The following LSMEM1 variants were observed in gnomAD, a reference collection of about 807,000 sequenced individuals.
LSMEM1 encodes the protein leucine rich single-pass membrane protein 1, also known as leucine-rich single-pass membrane protein 1.
Under a neutral mutation model 11.3 loss-of-function variants are expected in LSMEM1, and 10 were observed. The ratio of observed to expected loss-of-function variants is 0.89; its 90% CI spans 0.55 to 1.50. The LOEUF (loss-of-function observed/expected upper bound fraction) is 1.50, where lower values mean the gene tolerates loss of function less well. Ranked by LOEUF, LSMEM1 falls within the 40% of genes most tolerant of loss-of-function variation. The pLI is 0.00. For missense variants in LSMEM1, 151 were observed against 152.9 expected (o/e 0.99, Z 0.06); for synonymous variants, 65 against 59.3 (o/e 1.10, Z -0.44).
chr7:112,481,788 G>T (rs548228750), intron 1 of LSMEM1, among the ~76,000 whole-genome samples: 2 of 152,224 alleles, frequency 1.3e-5, no homozygotes, highest in South Asian at 2.1e-4. Context: ...AGAGGAAAAT[G>T]AAATTACTTA....
At chr7:112,483,298 A>G (rs1258860293) in intron 1 of LSMEM1, 1 of 152,182 alleles carries the variant, frequency 6.6e-6, no homozygotes, top group African/African-American at 2.4e-5. Flanking sequence ...TAGAGTCCAG[A>G]TAGACATCAC....
At chr7:112,487,708 CCT>C (rs1240520153) in intron 3 of LSMEM1, among the ~76,000 whole-genome samples, 2 of 152,384 alleles carry the variant, frequency 1.3e-5, no homozygotes, top group Admixed American at 6.5e-5. Context: ...GCGCCACCCT[CCT>C]CTCTGCCTTG....
At chr7:112,484,967 G>A (rs199748260) in intron 2 of LSMEM1, 24 bp downstream of exon 2, 70 of 1,579,588 alleles carry the variant, frequency 4.4e-5, no homozygotes, top group Middle Eastern at 3.5e-4. Context: ...GGAAGGCACA[G>A]CAGCCCTTCC....
At chr7:112,481,396 G>A (rs1010056220) in intron 1 of LSMEM1, 50 bp downstream of exon 1, 8 of 152,172 alleles carry the variant, frequency 5.3e-5, no homozygotes, top group African/African-American at 1.7e-4. Flanking sequence ...TATGATTCTC[G>A]AGTCTGGGAA....
chr7:112,487,104 C>G, intron 3 of LSMEM1, 53 bp downstream of exon 3: 1 of 1,589,508 alleles, frequency 6.3e-7, no homozygotes, highest in Non-Finnish European at 8.6e-7. Context: ...TTATTCATAG[C>G]TGGTTAACTT....
At position 112,486,943 on chromosome 7, in the gene LSMEM1, G is replaced by A; in HGVS notation, c.148G>A (p.Val50Ile). Reference sequence around the variant, plus strand: ...ATTAGCTCTAGAGGACAAAATCCCAGTCCTTGGCACAAACTCAGGAAATGG... The same window carrying A: ...ATTAGCTCTAGAGGACAAAATCCCAATCCTTGGCACAAACTCAGGAAATGG... ...HLFPLEDKIP[V>I]LGTNSGNGSR... Residue 50 changes from valine (V) to isoleucine (I), a missense_variant, in exon 3 of 4, where the codon GTC (valine) becomes ATC (isoleucine). Physicochemically the swap from Val to Ile is conservative, Grantham distance 29 (BLOSUM62 3). Coordinates refer to ENST00000312849, the MANE Select transcript of LSMEM1 (RefSeq NM_182597.3). The A allele has an allele frequency of 6.2e-7, 1 of 1,614,138 alleles. No individual in the cohort carries two copies. Among genetic ancestry groups the A allele is most frequent in the Non-Finnish European group, 8.5e-7 (1 of 1,180,004 alleles).
At chr7:112,488,364 G>A (rs1349699342) in intron 3 of LSMEM1, among the ~76,000 whole-genome samples, 3 of 152,114 alleles carry the variant, frequency 2.0e-5, no homozygotes, top group South Asian at 2.1e-4. Context: ...TGCCACACCC[G>A]CCTGGGGGTA....
Position 112,490,312 on chromosome 7 carries a change from G to T in LSMEM1, c.*363G>T, listed in dbSNP as rs1180761843. 1 of 190,120 alleles carries T rather than the reference G, an allele frequency of 5.3e-6. No individual in the cohort carries two copies. Among genetic ancestry groups the T allele is most frequent in the Non-Finnish European group, 1.1e-5 (1 of 91,884 alleles). The allele number at this position is 190,120 out of a possible 1,614,324, so 11.8% of individuals were successfully genotyped here. On this transcript the variant is annotated 3_prime_UTR_variant, in exon 4 of 4. Coordinates refer to ENST00000312849, the MANE Select transcript of LSMEM1 (RefSeq NM_182597.3). ...AGAACAAGTTCACTGTGTCAATGAA[G>T]TTCATGACACCTCATGCACCTTTAC...
chr7:112,489,760 G>C (rs768775751), intron 3 of LSMEM1, 50 bp from the exon 4 acceptor site: 3 of 1,570,884 alleles, frequency 1.9e-6, no homozygotes, highest in Non-Finnish European at 1.7e-6. Flanking sequence ...ATGAATTTCA[G>C]TGGAACACAG....
In LSMEM1 at chr7:112,481,907, T is replaced by A. The variant is rs942147050; in HGVS notation, c.-6+561T>A. On this transcript the variant is annotated intron_variant, in intron 1 of 3. Transcript: ENST00000312849. ...ACTGGAGTTGAAAGGAGGGTCAAGT[T>A]AGTGTGATGAAGAATTGCTAGTAAC... Among the ~76,000 whole-genome samples, 4 of 152,186 alleles carry A rather than the reference T, an allele frequency of 2.6e-5. No individual in the cohort carries two copies. In the East Asian group the frequency reaches 7.7e-4, roughly 29 times the overall value.
chr7:112,481,422 G>T (rs1796031411), intron 1 of LSMEM1, 76 bp downstream of exon 1: 1 of 152,234 alleles, frequency 6.6e-6, no homozygotes. Context: ...TGTTGCATGT[G>T]CTCTGTGTTT....
chr7:112,481,138 T>C lies in LSMEM1; in HGVS notation c.-214T>C, dbSNP rs1796024933. Reference sequence around the variant, plus strand: ...TCAGGATTTGGAATCTTACACTGCTTGGCTAAATTGACACAATATAGACCA... The same window carrying C: ...TCAGGATTTGGAATCTTACACTGCTCGGCTAAATTGACACAATATAGACCA... On this transcript the variant is annotated 5_prime_UTR_variant, in exon 1 of 4. Coordinates refer to ENST00000312849, the MANE Select transcript of LSMEM1 (RefSeq NM_182597.3). 1 of 312,158 alleles carries C rather than the reference T, an allele frequency of 3.2e-6. No homozygotes were observed. Among genetic ancestry groups the C allele is most frequent in the Admixed American group, 4.5e-5 (1 of 22,104 alleles). 19.3% of individuals were successfully genotyped at this position (312,158 alleles called of 1,614,324 possible). A position where few individuals can be genotyped will look rare whatever the true frequency, so the allele number is the denominator to read the frequency against.
chr7:112,486,320 C>A, intron 2 of LSMEM1: 1 of 443,162 alleles, frequency 2.3e-6, no homozygotes, highest in Admixed American at 2.4e-5. Context: ...TCCCTCTCCC[C>A]ACACACAAAA....
At chr7:112,480,899 G>A, upstream of LSMEM1, 1 of 456,270 alleles carries the variant, frequency 2.2e-6, no homozygotes, top group Non-Finnish European at 4.4e-6. Flanking sequence ...GCCTGCTACA[G>A]GATATTTATA....
At chr7:112,486,346 T>A (rs1352597232) in intron 2 of LSMEM1, 1 of 451,412 alleles carries the variant, frequency 2.2e-6, no homozygotes, top group African/African-American at 2.0e-5. Flanking sequence ...TGTTCTGCTA[T>A]TTCAGTGTTA....
chr7:112,489,414 G>A (rs1796196610), intron 3 of LSMEM1, among the ~76,000 whole-genome samples: 1 of 152,188 alleles, frequency 6.6e-6, no homozygotes, highest in African/African-American at 2.4e-5. Flanking sequence ...AAATAGGCTG[G>A]AACCCAAAGA....
chr7:112,481,517 A>C (rs1796033402), intron 1 of LSMEM1, among the ~76,000 whole-genome samples, 171 bp downstream of exon 1: 1 of 152,190 alleles, frequency 6.6e-6, no homozygotes, highest in Non-Finnish European at 1.5e-5. Flanking sequence ...AATGAAATTA[A>C]AGAACAAATT....
chr7:112,489,331 A>T (rs1796195339), intron 3 of LSMEM1, among the ~76,000 whole-genome samples: 1 of 152,156 alleles, frequency 6.6e-6, no homozygotes, highest in Admixed American at 6.5e-5. Context: ...CTTCCATTCT[A>T]ATGGGTGGTC....
chr7:112,486,125 T>G (rs10246851), intron 2 of LSMEM1: 21,553 of 164,676 alleles, frequency 0.13, 1,677 homozygotes, highest in South Asian at 0.33. Context: ...CCATTTTTGT[T>G]TAAATGGATG....
Sources: allele counts gnomAD v4.1 joint callset (sites outside exome capture counted in the v4.1 genomes callset), GRCh38; gene constraint gnomAD v4.1.1; transcripts MANE v1.5; gene names NCBI Gene and HGNC (gene_info 2026-07-23, HGNC 2026-07-21).